Variants in SREBF1 observed in about 807,000 individuals in gnomAD.
The protein encoded by SREBF1 is sterol regulatory element-binding protein 1.
In SREBF1, 45 loss-of-function variants were observed where a neutral mutation model predicts 100.1. The ratio of observed to expected loss-of-function variants is 0.45; its 90% confidence interval spans 0.35 to 0.58. The LOEUF (loss-of-function observed/expected upper bound fraction) is 0.58, where lower values mean the gene tolerates loss of function less well. Ranked by LOEUF, SREBF1 falls within the 20% of genes least tolerant of loss-of-function variation. The pLI is 0.00. For synonymous variants in SREBF1, 657 were observed against 681.8 expected, an observed-to-expected ratio of 0.96 and a Z score of 0.57; for missense variants, 1,324 against 1,539.4, an observed-to-expected ratio of 0.86 and a Z score of 2.34.
chr17:17,814,875 G>T lies in SREBF1; in HGVS notation c.2562C>A (p.Ala854=). 12 of 1,590,188 alleles carry T rather than the reference G, an allele frequency of 7.5e-6. No homozygotes were observed. The highest frequency in any genetic ancestry group is 1.0e-5 in the Non-Finnish European group (12 of 1,169,098). ...NSCSDAAGAP[A]YSFSISSSMA... is the part of the protein sequence containing the mutation. The stretch of plus-strand genomic sequence containing the variant: ...TGCTGGAACTGATGGAGAAGCTGTA[G>T]GCAGGAGCCCCCGCAGCATCAGAAC... The change falls in exon 14 of 19, where the codon GCC becomes GCA. Residue 854 remains alanine, a synonymous_variant. Transcript: ENST00000261646.
At chr17:17,825,670 C>A (rs546138693) in intron 1 of SREBF1, among the ~76,000 whole-genome samples, 1 of 148,222 alleles carries the variant, frequency 6.7e-6, no homozygotes, top group Non-Finnish European at 1.5e-5. Context: ...TGCAGTGACA[C>A]GATCTCAGCT....
rs571666726 is a variant in SREBF1, at chr17:17,815,690, G to A, written c.2383+170C>T. The A allele has an allele frequency of 1.7e-5, 12 of 698,748 alleles. No homozygotes were observed. In the African/African-American group the frequency reaches 1.8e-4, roughly 10 times the overall value. The allele number at this position is 698,748 out of a possible 1,614,324, so 43.3% of individuals were successfully genotyped here. ...GCATGTGCTTCTGAAAGCCCCAATGGGAACGAGAGGCACCCAGGCCTTTCC... is the reference window on the plus strand; with the variant it reads ...GCATGTGCTTCTGAAAGCCCCAATGAGAACGAGAGGCACCCAGGCCTTTCC... On this transcript the variant is annotated intron_variant, in intron 12 of 18. Coordinates refer to ENST00000261646, the MANE Select transcript of SREBF1 (RefSeq NM_004176.5).
Position 17,816,918 on chromosome 17 carries a change from G to A in SREBF1, c.1785+40C>T, listed in dbSNP as rs753406111. 5.0e-6 allele frequency: 8 copies of A among 1,611,798 alleles called. No homozygotes were observed. In the East Asian group the frequency reaches 1.6e-4, roughly 31 times the overall value. On this transcript the variant is annotated intron_variant, in intron 9 of 18. Transcript: ENST00000261646. Reference sequence around the variant, plus strand: ...GACACCCAGCACCTTCACAGCCTGGGGTCCCTGCCCTGCCCACTCTGCCGG... The same window carrying A: ...GACACCCAGCACCTTCACAGCCTGGAGTCCCTGCCCTGCCCACTCTGCCGG...
rs573740725 is a variant in SREBF1 at position 17,814,460 on chromosome 17, T to C, written c.2736-50A>G. On this transcript the variant is annotated intron_variant, in intron 15 of 18. Transcript: ENST00000261646. Reference sequence around the variant, plus strand: ...GCCAGTCAGACCAGTCCACAAGCCCTGGCTGAGTGCCCCCCACTTCCCTGG... The same window carrying C: ...GCCAGTCAGACCAGTCCACAAGCCCCGGCTGAGTGCCCCCCACTTCCCTGG... 34 of 1,546,104 alleles carry C rather than the reference T, an allele frequency of 2.2e-5. No homozygotes were observed. The African/African-American group carries it at 3.8e-4, about 17-fold the overall frequency.
intron 1 of SREBF1, among the ~76,000 whole-genome samples, chr17:17,826,306 A>ATAAC (rs2034488291): frequency 7.8e-6 from 1 of 127,594 alleles, no homozygotes; most frequent in South Asian, 2.5e-4. Context: ...TTTTAAGGGG[A>ATAAC]GTTAACGGGG....
Position 17,827,172 on chromosome 17 carries a change from G to A in SREBF1, c.92-6651C>T, listed in dbSNP as rs192799690. ...GGATAGGAGGAGCGGAGGCAGTGAG[G>A]GGGTGGAGGCCAGGACGGCCACCAA... On this transcript the variant is annotated intron_variant, in intron 1 of 18. Coordinates refer to ENST00000261646, the MANE Select transcript of SREBF1 (RefSeq NM_004176.5). 3.3e-3 allele frequency among the ~76,000 whole-genome samples: 497 copies of A among 152,356 alleles called. 1 individual carries two copies. Among genetic ancestry groups the A allele is most frequent in the African/African-American group, 0.011 (461 of 41,574 alleles).
At chr17:17,814,470 C>T (rs1315903881) in intron 15 of SREBF1, 60 bp from the exon 16 acceptor site, 6 of 1,542,710 alleles carry the variant, frequency 3.9e-6, no homozygotes, top group Non-Finnish European at 5.2e-6. Context: ...TGGCTGAGTG[C>T]CCCCCACTTC....
In SREBF1 at chr17:17,836,840, G is replaced by T; in HGVS notation, c.-23C>A. On this transcript the variant is annotated 5_prime_UTR_variant, in exon 1 of 19. Coordinates refer to ENST00000261646, the MANE Select transcript of SREBF1 (RefSeq NM_004176.5). ...CATGGCGCAGCCGCCTCCTCCGGGA[G>T]GCCCGCCGGGCCCGCCGCCTCGTAC... The T allele has an allele frequency of 6.8e-7, 1 of 1,478,446 alleles. No homozygotes were observed. The allele number at this position is 1,478,446 out of a possible 1,614,324, so 91.6% of individuals were successfully genotyped here. A position where few individuals can be genotyped will look rare whatever the true frequency, so the allele number is the denominator to read the frequency against.
Position 17,816,514 on chromosome 17 carries a change from C to T in SREBF1, c.1990G>A (p.Ala664Thr), listed in dbSNP as rs145295794. ...QDCALRVDASASARDAALVYH... is the reference protein window; with the variant it reads ...QDCALRVDASTSARDAALVYH... The stretch of plus-strand genomic sequence containing the variant: ...ACCAGGGCTGCGTCTCGGGCGCTGG[C>T]GCTAGCATCCACTCGCAGAGCACAG... Residue 664 changes from alanine to threonine, a missense_variant, in exon 10 of 19, where the codon GCC becomes ACC. Ala to Thr is a moderately conservative substitution (Grantham distance 58). Coordinates refer to ENST00000261646, the MANE Select transcript of SREBF1 (RefSeq NM_004176.5). The T allele has an allele frequency of 8.3e-5, 133 of 1,602,758 alleles. No individual in the cohort carries two copies. Among genetic ancestry groups the T allele is most frequent in the African/African-American group, 2.3e-4 (17 of 74,780 alleles).
At chr17:17,821,857 A>C (rs1260179713) in intron 1 of SREBF1, among the ~76,000 whole-genome samples, 1 of 152,252 alleles carries the variant, frequency 6.6e-6, no homozygotes, top group East Asian at 1.9e-4. Flanking sequence ...GGTCTGGTCC[A>C]AAAGCCAGGC....
chr17:17,817,194 C>G lies in SREBF1; in HGVS notation c.1607-58G>C, dbSNP rs775456428. On this transcript the variant is annotated intron_variant, in intron 8 of 18. Transcript: ENST00000261646. The surrounding 1 kb of genome is among the most constrained non-coding windows in gnomAD (Gnocchi z 6.6). ...CCCAGGAAATCCAGAGCCCCAAGTT[C>G]ACAAGCCTGGGGGCTCACCCCGAGT... The G allele has an allele frequency of 6.8e-5, 110 of 1,611,554 alleles. No individual in the cohort carries two copies. The highest frequency in any genetic ancestry group is 3.6e-5 in the Non-Finnish European group (42 of 1,179,310).
At chr17:17,815,614 C>T (rs764357933) in intron 12 of SREBF1, 47 of 600,732 alleles carry the variant, frequency 7.8e-5, no homozygotes, top group African/African-American at 2.0e-4. Flanking sequence ...TACTCCACAG[C>T]GGCACTGCCT....
chr17:17,831,467 G>C (rs2034854991), intron 1 of SREBF1, among the ~76,000 whole-genome samples: 1 of 152,102 alleles, frequency 6.6e-6, no homozygotes, highest in African/African-American at 2.4e-5. Context: ...CCTCTGACGG[G>C]GCTTGGCAGA....
Position 17,811,902 on chromosome 17 carries a change from T to A in SREBF1, c.*720A>T. On this transcript the variant is annotated 3_prime_UTR_variant, in exon 19 of 19. Coordinates refer to ENST00000261646, the MANE Select transcript of SREBF1 (RefSeq NM_004176.5). ...GGGGGAACAGGTAGGCTGGAGGCCA[T>A]ACAGCCAGCCCTCCCCACTCCTCCC... is the stretch of plus-strand genomic sequence containing the variant. 1 of 438,408 alleles carries A rather than the reference T, an allele frequency of 2.3e-6. No homozygotes were observed. Among genetic ancestry groups the A allele is most frequent in the Non-Finnish European group, 4.5e-6 (1 of 220,522 alleles). The allele number at this position is 438,408 out of a possible 1,614,324, so 27.2% of individuals were successfully genotyped here.
intron 16 of SREBF1, 175 bp from the exon 17 acceptor site, chr17:17,813,944 C>T (rs1465808784): frequency 4.1e-6 from 3 of 735,324 alleles, no homozygotes; most frequent in Non-Finnish European, 6.7e-6. Flanking sequence ...CTCTCGGCCC[C>T]CACACCCGCC....
chr17:17,811,917 C>G lies in SREBF1; in HGVS notation c.*705G>C, dbSNP rs1042752037. ...CTGGAGGCCATACAGCCAGCCCTCC[C>G]CACTCCTCCCACTAACAAACAAACA... On this transcript the variant is annotated 3_prime_UTR_variant, in exon 19 of 19. Transcript: ENST00000261646. 1.2e-4 allele frequency: 55 copies of G among 444,298 alleles called. No individual in the cohort carries two copies. In the Admixed American group the frequency reaches 1.4e-3, roughly 11 times the overall value. The allele number at this position is 444,298 out of a possible 1,614,324, so 27.5% of individuals were successfully genotyped here. A position where few individuals can be genotyped will look rare whatever the true frequency, so the allele number is the denominator to read the frequency against.
At position 17,820,538 on chromosome 17, in the gene SREBF1, A is replaced by G. The variant is rs748561715; in HGVS notation, c.92-17T>C. The G allele has an allele frequency of 6.2e-7, 1 of 1,611,068 alleles. No individual in the cohort carries two copies. Among genetic ancestry groups the G allele is most frequent in the South Asian group, 1.1e-5 (1 of 90,972 alleles). On this transcript the variant is annotated splice_polypyrimidine_tract_variant and intron_variant, in intron 1 of 18. Coordinates refer to ENST00000261646, the MANE Select transcript of SREBF1 (RefSeq NM_004176.5). ...GAAGCATGTCTGTGAAAAGGAGAAGAGGGTGCGTGAGTGAGGCAGAGACTG... is the reference window on the plus strand; with the variant it reads ...GAAGCATGTCTGTGAAAAGGAGAAGGGGGTGCGTGAGTGAGGCAGAGACTG...
chr17:17,819,038 T>A lies in SREBF1; in HGVS notation c.1043A>T (p.Asp348Val). Residue 348 changes from aspartate (D) to valine (V), a missense_variant, in exon 5 of 19, where the codon GAT (aspartate) becomes GTT (valine). By Grantham distance (152) the Asp-to-Val change is radical. Transcript: ENST00000261646. The part of the protein sequence containing the change: ...SINDKIIELK[D>V]LVVGTEAKLN... ...CTTTGCCTCAGTGCCCACCACCAGA[T>A]CCTTGAGCTCAATGATTTTGTCATT... The A allele has an allele frequency of 1.2e-6, 2 of 1,613,762 alleles. No homozygotes were observed. Among genetic ancestry groups the A allele is most frequent in the Non-Finnish European group, 1.7e-6 (2 of 1,180,032 alleles).
rs966850054 is a variant in SREBF1 at position 17,812,038 on chromosome 17, T to TAGTC, written c.*580_*583dup. ...TGGGGGAGGGCCCAAGCACTCTCACTAGTCAGCACATCCATCAGCTGAAGA... is the reference window on the plus strand; with the variant it reads ...TGGGGGAGGGCCCAAGCACTCTCACTAGTCAGTCAGCACATCCATCAGCTGAAGA... On this transcript the variant is annotated 3_prime_UTR_variant, in exon 19 of 19. Coordinates refer to ENST00000261646, the MANE Select transcript of SREBF1 (RefSeq NM_004176.5). The TAGTC allele has an allele frequency of 4.6e-6, 2 of 439,448 alleles. No homozygotes were observed. Among genetic ancestry groups the TAGTC allele is most frequent in the Non-Finnish European group, 9.0e-6 (2 of 222,434 alleles). The allele number at this position is 439,448 out of a possible 1,614,324, so 27.2% of individuals were successfully genotyped here. A position where few individuals can be genotyped will look rare whatever the true frequency, so the allele number is the denominator to read the frequency against.
Sources: allele counts gnomAD v4.1 joint callset (sites outside exome capture counted in the v4.1 genomes callset), GRCh38; gene constraint gnomAD v4.1.1; non-coding constraint Gnocchi (gnomAD v3.1); transcripts MANE v1.5; gene names NCBI Gene and HGNC (gene_info 2026-07-23, HGNC 2026-07-21).